UTRN: variants seen among roughly 807,000 people sequenced by gnomAD.
UTRN encodes the protein utrophin.
In UTRN, 283 loss-of-function variants were observed where a neutral mutation model predicts 463.9. The ratio of observed to expected loss-of-function variants is 0.61; its 90% CI spans 0.55 to 0.67. The LOEUF (loss-of-function observed/expected upper bound fraction) is 0.67, where lower values mean the gene tolerates loss of function less well. UTRN is among the 30% of genes least tolerant of loss of function. The pLI, the probability that UTRN is intolerant of heterozygous loss-of-function variation, is 0.00. For missense variants in UTRN, 3,922 were observed against 4,084.3 expected (o/e 0.96, Z 1.08); for synonymous variants, 1,442 against 1,431.5 (o/e 1.01, Z -0.17).
Position 144,440,615 on chromosome 6 carries a change from G to A in UTRN, c.1512+144G>A, listed in dbSNP as rs1053532946. ...CCTTTGATTGTACTTCTCAGTTGGG[G>A]TTCTACAGTGTGTGGGCTACAGGAG... On this transcript the variant is annotated intron_variant, in intron 13 of 74. Transcript: ENST00000367545. 11 of 1,081,532 alleles carry A rather than the reference G, an allele frequency of 1.0e-5. No homozygotes were observed. In the South Asian group the frequency reaches 1.7e-4, roughly 17 times the overall value. 67.0% of individuals were successfully genotyped at this position (1,081,532 alleles called of 1,614,324 possible).
chr6:144,449,565 A>G (rs1256253080), intron 17 of UTRN, among the ~76,000 whole-genome samples: 1 of 152,098 alleles, frequency 6.6e-6, no homozygotes, highest in Non-Finnish European at 1.5e-5. Context: ...ATTAAATAGA[A>G]AGCTGCTGTT....
rs1781099230 is a variant in UTRN, at chr6:144,836,314, G to A, written c.9838G>A (p.Glu3280Lys). 6.2e-7 allele frequency: 1 copy of A among 1,613,974 alleles called. No individual in the cohort carries two copies. The highest frequency in any genetic ancestry group is 8.5e-7 in the Non-Finnish European group (1 of 1,179,996). The change falls in exon 71 of 75, where the codon GAG (glutamate) becomes AAG (lysine). Residue 3280 changes from glutamate (E) to lysine (K), a missense_variant. By Grantham distance (56) the Glu-to-Lys change is moderately conservative. This residue lies in a region of UTRN where 1,309 missense variants were observed against 1,452.6 expected (regional missense o/e 0.90). Transcript: ENST00000367545. ...LEEEQRNLQV[E>K]YEQLKDQHLR... is the part of the protein sequence containing the mutation. ...TTTCTGTATTAGAAATCTACAGGTG[G>A]AGTATGAGCAGCTGAAGGACCAGCA...
intron 2 of UTRN, among the ~76,000 whole-genome samples, chr6:144,386,456 C>T (rs752996920): frequency 2.3e-4 from 35 of 152,234 alleles, no homozygotes; most frequent in Non-Finnish European, 4.4e-4. Context: ...GAGACTCTGT[C>T]TCAAACAAAC....
chr6:144,842,064 C>A (rs930685330), intron 73 of UTRN, among the ~76,000 whole-genome samples: 3 of 134,280 alleles, frequency 2.2e-5, no homozygotes, highest in Non-Finnish European at 4.6e-5. Context: ...GAGCCGAGAT[C>A]GTGCCACCGC....
chr6:144,310,660 C>A (rs1468331916), intron 2 of UTRN, among the ~76,000 whole-genome samples: 3 of 152,122 alleles, frequency 2.0e-5, no homozygotes, highest in Non-Finnish European at 4.4e-5. Context: ...TGCCTGTAAT[C>A]CCAACTACTG....
chr6:144,438,665 A>C (rs1786822368), intron 11 of UTRN, 80 bp from the exon 12 acceptor site: 1 of 1,562,808 alleles, frequency 6.4e-7, no homozygotes, highest in East Asian at 2.3e-5. Flanking sequence ...CTTGCCCTGT[A>C]TCTCCGGTGC....
At chr6:144,440,504 G>T (rs1269208335) in intron 13 of UTRN, 33 bp downstream of exon 13, 1 of 1,613,380 alleles carries the variant, frequency 6.2e-7, no homozygotes, top group South Asian at 1.1e-5. Context: ...TAATCCTGAG[G>T]GACCTGTGGT....
In UTRN at chr6:144,499,281, G is replaced by T; in HGVS notation, c.4618G>T (p.Glu1540Ter). 1 of 1,612,482 alleles carries T rather than the reference G, an allele frequency of 6.2e-7. No homozygotes were observed. The highest frequency in any genetic ancestry group is 8.5e-7 in the Non-Finnish European group (1 of 1,178,950). The change falls in exon 34 of 75, where the codon GAA (glutamate) becomes TAA (stop). Residue 1540 changes from glutamate to a stop codon, truncating the protein, a stop_gained. Transcript: ENST00000367545. LOFTEE classifies it high-confidence loss of function. ...AQVTEGKQDL[E>*]RASQLARKMK... Reference sequence around the variant, plus strand: ...GGTGACAGAAGGAAAACAGGATCTGGAAAGAGCATCACAGTTGGCCCGGAA... The same window carrying T: ...GGTGACAGAAGGAAAACAGGATCTGTAAAGAGCATCACAGTTGGCCCGGAA...
intron 9 of UTRN, 128 bp from the exon 10 acceptor site, chr6:144,435,807 C>A: frequency 1.1e-6 from 1 of 943,906 alleles, no homozygotes; most frequent in Non-Finnish European, 1.6e-6. Context: ...GCCCATTTGG[C>A]TCCTGAGAAT....
chr6:144,456,381 G>A (rs868528267), intron 19 of UTRN, among the ~76,000 whole-genome samples: 7 of 152,018 alleles, frequency 4.6e-5, no homozygotes, highest in East Asian at 1.9e-4. Context: ...GAGGCTGGGC[G>A]CAGTGGCTCA....
At chr6:144,399,422 A>G (rs1562343542) in intron 2 of UTRN, among the ~76,000 whole-genome samples, 2 of 152,188 alleles carry the variant, frequency 1.3e-5, no homozygotes, top group African/African-American at 4.8e-5. Flanking sequence ...AATCTTTGCT[A>G]ACGAGAGATT....
intron 46 of UTRN, among the ~76,000 whole-genome samples, chr6:144,545,882 T>C (rs1312962553): frequency 6.6e-6 from 1 of 152,068 alleles, no homozygotes; most frequent in East Asian, 1.9e-4. Flanking sequence ...TAGCTGGGCG[T>C]GGTGGCGGGC....
Position 144,521,948 on chromosome 6 carries a change from TA to T in UTRN, c.5542-31del. On this transcript the variant is annotated intron_variant, in intron 39 of 74. Coordinates refer to ENST00000367545, the MANE Select transcript of UTRN (RefSeq NM_007124.3). ...GGGTATTTTAAGAGATATATATATA[TA>T]TATATATTTTTTTTTTTGCTGTTTT... 8.2e-6 allele frequency: 10 copies of T among 1,214,910 alleles called. 2 individuals carry two copies. The highest frequency in any genetic ancestry group is 6.8e-5 in the East Asian group (2 of 29,210). 75.3% of individuals were successfully genotyped at this position (1,214,910 alleles called of 1,614,324 possible).
chr6:144,486,229 G>A (rs570139562), intron 28 of UTRN, among the ~76,000 whole-genome samples: 2 of 152,332 alleles, frequency 1.3e-5, no homozygotes, highest in African/African-American at 2.4e-5. Flanking sequence ...TGAGTAAAAT[G>A]TGGCACTTAC....
At chr6:144,565,000 G>GT (rs200414267) in intron 50 of UTRN, among the ~76,000 whole-genome samples, 3,318 of 152,282 alleles carry the variant, frequency 0.022, 51 homozygotes, top group Non-Finnish European at 0.037. Flanking sequence ...TTGCTAGTGG[G>GT]TATAGTAGAA....
In UTRN at chr6:144,836,553, A is replaced by G. The variant is rs768421797; in HGVS notation, c.10065+12A>G. ...AGCTGCTGGAGCAGGTAGGGTGTGTAGAATTCAGCGTCACACCTCCCCAGG... is the reference window on the plus strand; with the variant it reads ...AGCTGCTGGAGCAGGTAGGGTGTGTGGAATTCAGCGTCACACCTCCCCAGG... On this transcript the variant is annotated intron_variant, in intron 71 of 74. Coordinates refer to ENST00000367545, the MANE Select transcript of UTRN (RefSeq NM_007124.3). 1 of 1,612,428 alleles carries G rather than the reference A, an allele frequency of 6.2e-7. No individual in the cohort carries two copies. Among genetic ancestry groups the G allele is most frequent in the South Asian group, 1.1e-5 (1 of 90,930 alleles).
intron 2 of UTRN, among the ~76,000 whole-genome samples, chr6:144,296,179 G>A (rs1445863508): frequency 1.3e-5 from 2 of 152,192 alleles, no homozygotes; most frequent in African/African-American, 4.8e-5. Flanking sequence ...GCCTGTTAGG[G>A]ACCAGGTGGC....
intron 2 of UTRN, among the ~76,000 whole-genome samples, chr6:144,363,324 C>T (rs1057354589): frequency 1.3e-5 from 2 of 152,166 alleles, no homozygotes; most frequent in East Asian, 1.9e-4. Context: ...ATTGGTATAG[C>T]GACCTAACAC....
intron 49 of UTRN, among the ~76,000 whole-genome samples, chr6:144,556,571 T>C (rs1473821362): frequency 1.3e-5 from 2 of 152,230 alleles, no homozygotes; most frequent in African/African-American, 4.8e-5. Context: ...TCATGGTGAG[T>C]ACCTTGATCC....
Sources: allele counts gnomAD v4.1 joint callset (sites outside exome capture counted in the v4.1 genomes callset), GRCh38; gene constraint gnomAD v4.1.1; regional missense constraint gnomAD v4.1.1; transcripts MANE v1.5; gene names NCBI Gene and HGNC (gene_info 2026-07-23, HGNC 2026-07-21).